Variants in SAMD9 observed in about 807,000 individuals in gnomAD.
The protein encoded by SAMD9 is sterile alpha motif domain containing 9, also known as sterile alpha motif domain-containing protein 9.
Under a neutral mutation model 1.5 loss-of-function variants are expected in SAMD9, and 3 were observed. That is an observed-to-expected ratio of 2.05 (90% confidence interval 0.93 to 5.29). The LOEUF is 5.29. Among genes scored for constraint, SAMD9 ranks in the 30% most tolerant of loss-of-function variants. The probability of loss-of-function intolerance (pLI) is 0.02; values close to 1 mark genes in which losing one functional copy is unlikely to be tolerated. For synonymous variants in SAMD9, 635 were observed against 631.9 expected, an observed-to-expected ratio of 1.00 and a Z score of -0.07; for missense variants, 1,597 against 1,820.8, an observed-to-expected ratio of 0.88 and a Z score of 2.24.
Position 93,103,478 on chromosome 7 carries a change from C to A in SAMD9, c.2620G>T (p.Glu874Ter), listed in dbSNP as rs772677852. 4 of 1,613,218 alleles carry A rather than the reference C, an allele frequency of 2.5e-6. No individual in the cohort carries two copies. Among genetic ancestry groups the A allele is most frequent in the Non-Finnish European group, 3.4e-6 (4 of 1,179,458 alleles). Reference sequence around the variant, plus strand: ...AAATCCTCAAAGTTTTTATGCTGTTCTTTGATTTCTTTCAATTTAAGCTCA... The same window carrying A: ...AAATCCTCAAAGTTTTTATGCTGTTATTTGATTTCTTTCAATTTAAGCTCA... Reference protein sequence around the residue: ...AFELKLKEIKEQHKNFEDFYS... With the variant: ...AFELKLKEIK The change falls in exon 3 of 3, where the codon GAA (glutamate) becomes TAA (stop). Residue 874 changes from glutamate to a stop codon, truncating the protein, a stop_gained. Transcript: ENST00000379958. LOFTEE classifies it low-confidence loss of function (END_TRUNC).
Position 93,104,861 on chromosome 7 carries a change from A to C in SAMD9, c.1237T>G (p.Tyr413Asp). Residue 413 changes from tyrosine (Y) to aspartate (D), a missense_variant, in exon 3 of 3, where the codon TAC becomes GAC. Around this residue, in one of 6 missense-constraint regions of SAMD9, gnomAD observed 358 missense variants for 460.4 expected, o/e 0.78. Transcript: ENST00000379958. ...DLLDNSYYEQ[Y>D]ILVTNKCHPD... is the part of the protein sequence containing the mutation. ...TGGCATTTATTTGTTACAAGAATGTACTGTTCATAGTATGAATTATCTAAC... is the reference window on the plus strand; with the variant it reads ...TGGCATTTATTTGTTACAAGAATGTCCTGTTCATAGTATGAATTATCTAAC... 4 of 1,613,606 alleles carry C rather than the reference A, an allele frequency of 2.5e-6. No individual in the cohort carries two copies. Among genetic ancestry groups the C allele is most frequent in the Non-Finnish European group, 3.4e-6 (4 of 1,179,764 alleles).
chr7:93,104,554 C>T lies in SAMD9; in HGVS notation c.1544G>A (p.Arg515Lys), dbSNP rs1258665155. Residue 515 changes from arginine to lysine, a missense_variant, in exon 3 of 3, where the codon AGA becomes AAA. Physicochemically the swap from Arg to Lys is conservative, Grantham distance 26. Around this residue, in one of 6 missense-constraint regions of SAMD9, gnomAD observed 358 missense variants for 460.4 expected, o/e 0.78. Transcript: ENST00000379958. The part of the protein sequence containing the change: ...YKPFDPSSWQ[R>K]ERASDVRKLI... ...TTTCCTGACATCAGAAGCTCTTTCTCTTTGCCAGGAACTTGGATCAAAGGG... is the reference window on the plus strand; with the variant it reads ...TTTCCTGACATCAGAAGCTCTTTCTTTTTGCCAGGAACTTGGATCAAAGGG... The T allele has an allele frequency of 1.2e-5, 19 of 1,614,044 alleles. No homozygotes were observed. Among genetic ancestry groups the T allele is most frequent in the Non-Finnish European group, 1.5e-5 (18 of 1,179,922 alleles).
At chr7:93,109,415 A>T (rs565587650) in intron 2 of SAMD9, among the ~76,000 whole-genome samples, 2 of 152,134 alleles carry the variant, frequency 1.3e-5, no homozygotes, top group African/African-American at 4.8e-5. Flanking sequence ...AAGGAATGCA[A>T]CTCCTCGCCA....
At chr7:93,113,622 A>G (rs1404512083) in intron 2 of SAMD9, among the ~76,000 whole-genome samples, 2 of 152,234 alleles carry the variant, frequency 1.3e-5, no homozygotes, top group African/African-American at 2.4e-5. Context: ...AAGCAACCCC[A>G]TCAAAAAGTG....
At position 93,101,849 on chromosome 7, in the gene SAMD9, C is replaced by T; in HGVS notation, c.4249G>A (p.Glu1417Lys). ...GTCAGTCCTATTGGTTGCAAGACTT[C>T]TCGAAGCTGATCTTTTAGTTTTTCA... ...PVEKLKDQLREVLQPIGLTYQ... is the reference protein window; with the variant it reads ...PVEKLKDQLRKVLQPIGLTYQ... Residue 1417 changes from glutamate to lysine, a missense_variant, in exon 3 of 3, where the codon GAA becomes AAA. Glu to Lys is a moderately conservative substitution (Grantham distance 56). Coordinates refer to ENST00000379958, the MANE Select transcript of SAMD9 (RefSeq NM_017654.4). 6.2e-7 allele frequency: 1 copy of T among 1,613,832 alleles called. No homozygotes were observed. The highest frequency in any genetic ancestry group is 8.5e-7 in the Non-Finnish European group (1 of 1,179,810).
At chr7:93,113,512 A>G (rs1350310207) in intron 2 of SAMD9, among the ~76,000 whole-genome samples, 1 of 152,242 alleles carries the variant, frequency 6.6e-6, no homozygotes, top group Non-Finnish European at 1.5e-5. Context: ...CAGAGTGAAC[A>G]GGCAACCTAC....
At chr7:93,109,771 G>A (rs1197576080) in intron 2 of SAMD9, among the ~76,000 whole-genome samples, 1 of 152,094 alleles carries the variant, frequency 6.6e-6, no homozygotes, top group African/African-American at 2.4e-5. Flanking sequence ...GAAGTAAAAA[G>A]AAACAAACAA....
chr7:93,115,559 G>A (rs1791819362), intron 1 of SAMD9, among the ~76,000 whole-genome samples: 1 of 152,100 alleles, frequency 6.6e-6, no homozygotes, highest in South Asian at 2.1e-4. Context: ...AGGGGTGATG[G>A]AAATATTTTA....
chr7:93,110,100 G>A (rs1791714721), intron 2 of SAMD9, among the ~76,000 whole-genome samples: 1 of 152,232 alleles, frequency 6.6e-6, no homozygotes. Flanking sequence ...CAGATTAACA[G>A]CAGATCTCTT....
intron 2 of SAMD9, among the ~76,000 whole-genome samples, chr7:93,111,435 A>C (rs540363929): frequency 2.7e-3 from 411 of 152,296 alleles, no homozygotes; most frequent in African/African-American, 9.0e-3. Flanking sequence ...AAGCTAGCAG[A>C]AGGCAAGAAA....
In SAMD9 at chr7:93,103,405, T is replaced by G. The variant is rs181919575; in HGVS notation, c.2693A>C (p.Glu898Ala). 1.3e-4 allele frequency: 211 copies of G among 1,613,484 alleles called. No individual in the cohort carries two copies. In the South Asian group the frequency reaches 2.0e-3, roughly 16 times the overall value. Residue 898 changes from glutamate (E) to alanine (A), a missense_variant, in exon 3 of 3, where the codon GAA (glutamate) becomes GCA (alanine). By Grantham distance (107) the Glu-to-Ala change is moderately radical. Coordinates refer to ENST00000379958, the MANE Select transcript of SAMD9 (RefSeq NM_017654.4). ...TTTCAGGATATTCCGGACCACATTT[T>G]CTATGTATTCTTTATTAAAATTGGT... ...MKTNFNKEYI[E>A]NVVRNILKGQ...
chr7:93,110,325 A>AGC (rs1791719157), intron 2 of SAMD9, among the ~76,000 whole-genome samples: 2 of 152,252 alleles, frequency 1.3e-5, no homozygotes, highest in African/African-American at 2.4e-5. Context: ...CATGGAAAGG[A>AGC]AAATCCGGTA....
intron 1 of SAMD9, among the ~76,000 whole-genome samples, chr7:93,115,490 G>A (rs1791818482): frequency 6.6e-6 from 1 of 152,160 alleles, no homozygotes; most frequent in African/African-American, 2.4e-5. Context: ...TTTAAGAATA[G>A]GCAAAAGTAA....
Position 93,101,987 on chromosome 7 carries a change from A to G in SAMD9, c.4111T>C (p.Phe1371Leu). The G allele has an allele frequency of 6.2e-7, 1 of 1,613,822 alleles. No individual in the cohort carries two copies. The highest frequency in any genetic ancestry group is 8.5e-7 in the Non-Finnish European group (1 of 1,179,788). Residue 1371 changes from phenylalanine (F) to leucine (L), a missense_variant, in exon 3 of 3, where the codon TTT becomes CTT. Physicochemically the swap from Phe to Leu is conservative, Grantham distance 22. Around this residue, in one of 6 missense-constraint regions of SAMD9, gnomAD observed 682 missense variants for 810.0 expected, o/e 0.84. Transcript: ENST00000379958. ...TTGACAGTGCATTGTTCTAAGAGAA[A>G]AGTATATTCGTTCACTATACATTTC... is the stretch of plus-strand genomic sequence containing the variant. ...TMKCIVNEYT[F>L]LLEQCTVKIQ...
At chr7:93,112,605 T>C (rs1157396880) in intron 2 of SAMD9, among the ~76,000 whole-genome samples, 1 of 152,186 alleles carries the variant, frequency 6.6e-6, no homozygotes, top group Non-Finnish European at 1.5e-5. Flanking sequence ...TTCAGCAAAG[T>C]CTCAGGATTC....
In SAMD9 at chr7:93,104,203, A is replaced by G. The variant is rs755177438; in HGVS notation, c.1895T>C (p.Leu632Ser). ...KSVTQSSKRL[L>S]PSIGLSTVLL... is the part of the protein sequence containing the mutation. ...GACAGTCGATAAACCAATAGATGGC[A>G]AAAGCCTTTTTGAAGATTGAGTCAC... Residue 632 changes from leucine (L) to serine (S), a missense_variant, in exon 3 of 3, where the codon TTG becomes TCG. By Grantham distance (145) the Leu-to-Ser change is moderately radical. Transcript: ENST00000379958. 3.7e-6 allele frequency: 6 copies of G among 1,613,992 alleles called. No individual in the cohort carries two copies. Among genetic ancestry groups the G allele is most frequent in the African/African-American group, 1.3e-5 (1 of 75,066 alleles).
chr7:93,113,357 G>A (rs1791777892), intron 2 of SAMD9, among the ~76,000 whole-genome samples: 1 of 152,182 alleles, frequency 6.6e-6, no homozygotes, highest in African/African-American at 2.4e-5. Context: ...AACCCTAGAA[G>A]GAAACCTAGG....
At position 93,104,377 on chromosome 7, in the gene SAMD9, A is replaced by G. The variant is rs1363405437; in HGVS notation, c.1721T>C (p.Leu574Pro). ...YQDLKGMENI[L>P]CICVHPHIFQ... ...TATGTGTGGGTGCACACAAATACAC[A>G]GTATATTTTCCATTCCTTTGAGATC... is the stretch of plus-strand genomic sequence containing the variant. The change falls in exon 3 of 3, where the codon CTG becomes CCG. Residue 574 changes from leucine (L) to proline (P), a missense_variant. Leu to Pro is a moderately conservative substitution (Grantham distance 98). This residue lies in a region of SAMD9 where 358 missense variants were observed against 460.4 expected (regional missense o/e 0.78). Transcript: ENST00000379958. The G allele has an allele frequency of 1.5e-5, 24 of 1,613,934 alleles. No homozygotes were observed. The highest frequency in any genetic ancestry group is 2.2e-5 in the South Asian group (2 of 91,076).
chr7:93,102,511 C>G lies in SAMD9; in HGVS notation c.3587G>C (p.Gly1196Ala), dbSNP rs760635054. Reference sequence around the variant, plus strand: ...CCCAACTTCTATCTCTCCTTGATAACCAGCTATATTGTAAGTATCATACCG... The same window carrying G: ...CCCAACTTCTATCTCTCCTTGATAAGCAGCTATATTGTAAGTATCATACCG... ...KRRYDTYNIA[G>A]YQGEIEVGLY... is the part of the protein sequence containing the mutation. The change falls in exon 3 of 3, where the codon GGT (glycine) becomes GCT (alanine). Residue 1196 changes from glycine (G) to alanine (A), a missense_variant. Transcript: ENST00000379958. The G allele has an allele frequency of 6.2e-6, 10 of 1,613,728 alleles. No individual in the cohort carries two copies. Among genetic ancestry groups the G allele is most frequent in the Non-Finnish European group, 6.8e-6 (8 of 1,179,708 alleles).
Sources: allele counts gnomAD v4.1 joint callset (sites outside exome capture counted in the v4.1 genomes callset), GRCh38; gene constraint gnomAD v4.1.1; regional missense constraint gnomAD v4.1.1; transcripts MANE v1.5; gene names NCBI Gene and HGNC (gene_info 2026-07-23, HGNC 2026-07-21).